The following TECTA variants were observed in gnomAD, a reference collection of about 807,000 sequenced individuals.
The protein encoded by TECTA is tectorin alpha, also known as alpha-tectorin.
In TECTA, 128 loss-of-function variants were observed where a neutral mutation model predicts 216.8. The ratio of observed to expected loss-of-function variants is 0.59; its 90% confidence interval spans 0.51 to 0.68. The LOEUF (loss-of-function observed/expected upper bound fraction) is 0.68, where lower values mean the gene tolerates loss of function less well. Ranked by LOEUF, TECTA falls within the 30% of genes least tolerant of loss-of-function variation. TECTA has a pLI of 0.00. For missense variants in TECTA, 2,551 were observed against 2,786.2 expected (o/e 0.92, Z 1.90); for synonymous variants, 1,089 against 1,117.1 (o/e 0.97, Z 0.50).
intron 11 of TECTA, among the ~76,000 whole-genome samples, chr11:121,141,707 T>A (rs1160120509): frequency 1.3e-5 from 2 of 152,166 alleles, no homozygotes; most frequent in Non-Finnish European, 2.9e-5. Context: ...TTATTGCCAG[T>A]CAGGTGGCCA....
chr11:121,190,644 G>C, intron 23 of TECTA, 62 bp from the exon 24 acceptor site: 2 of 1,269,014 alleles, frequency 1.6e-6, no homozygotes, highest in Non-Finnish European at 2.3e-6. Context: ...AAAGATGTCT[G>C]ATCCCTATCA....
At chr11:121,160,601 G>C (rs1452936794) in intron 15 of TECTA, among the ~76,000 whole-genome samples, 180 bp downstream of exon 15, 2 of 152,184 alleles carry the variant, frequency 1.3e-5, no homozygotes, top group Admixed American at 1.3e-4. Context: ...CAGTAATTTC[G>C]TGAACTGCAG....
At chr11:121,184,085 G>C (rs1947257833) in intron 20 of TECTA, among the ~76,000 whole-genome samples, 1 of 152,204 alleles carries the variant, frequency 6.6e-6, no homozygotes, top group African/African-American at 2.4e-5. Context: ...TACCATGCCA[G>C]CCAGCCTACA....
Position 121,118,425 on chromosome 11 carries a change from G to A in TECTA, c.910G>A (p.Val304Met), listed in dbSNP as rs759593632. The A allele has an allele frequency of 3.7e-6, 6 of 1,614,076 alleles. No individual in the cohort carries two copies. The highest frequency in any genetic ancestry group is 5.1e-6 in the Non-Finnish European group (6 of 1,180,056). ...GGAGGCTTCCTGTAGCCCCTACGAG[G>A]TGTGCGAACCCAAAGGCAAATTCTT... Reference protein sequence around the residue: ...CQEASCSPYEVCEPKGKFFYC... With the variant: ...CQEASCSPYEMCEPKGKFFYC... Residue 304 changes from valine (V) to methionine (M), a missense_variant, in exon 7 of 24, where the codon GTG becomes ATG. Physicochemically the swap from Val to Met is conservative, Grantham distance 21. Around this residue, in one of 3 missense-constraint regions of TECTA, gnomAD observed 2,375 missense variants for 2,563.9 expected, o/e 0.93. Coordinates refer to ENST00000392793, the MANE Select transcript of TECTA (RefSeq NM_005422.4).
intron 10 of TECTA, among the ~76,000 whole-genome samples, chr11:121,136,676 C>T (rs1341635374): frequency 1.3e-5 from 2 of 152,030 alleles, no homozygotes; most frequent in Non-Finnish European, 2.9e-5. Context: ...GCTCTGAAGA[C>T]ATGAAATAAC....
In TECTA at chr11:121,109,799, C is replaced by T. The variant is rs201325951; in HGVS notation, c.486+301C>T. 6.8e-5 allele frequency: 27 copies of T among 397,834 alleles called. No homozygotes were observed. The East Asian group carries it at 1.5e-3, about 23-fold the overall frequency. 24.6% of individuals were successfully genotyped at this position (397,834 alleles called of 1,614,324 possible). On this transcript the variant is annotated intron_variant, in intron 4 of 23. Transcript: ENST00000392793. Reference sequence around the variant, plus strand: ...GACATTGCTGTTTTGCAGGAGAGTGCTTGAGGCACTGAGACCCATTCCAGG... The same window carrying T: ...GACATTGCTGTTTTGCAGGAGAGTGTTTGAGGCACTGAGACCCATTCCAGG...
intron 13 of TECTA, 138 bp downstream of exon 13, chr11:121,153,218 G>A (rs1946910436): frequency 9.5e-7 from 1 of 1,047,402 alleles, no homozygotes; most frequent in South Asian, 1.4e-5. Flanking sequence ...ATGGGATGGG[G>A]GGTAGAGAGG....
intron 10 of TECTA, among the ~76,000 whole-genome samples, chr11:121,136,933 G>T (rs187897275): frequency 6.6e-6 from 1 of 152,210 alleles, no homozygotes; most frequent in Non-Finnish European, 1.5e-5. Flanking sequence ...CTGGCATGTC[G>T]CAGGTGCTCA....
At position 121,125,486 on chromosome 11, in the gene TECTA, A is replaced by T. The variant is rs764132674; in HGVS notation, c.1388A>T (p.Asn463Ile). The change falls in exon 8 of 24, where the codon AAC becomes ATC. Residue 463 changes from asparagine to isoleucine, a missense_variant. Asn to Ile is a moderately radical substitution (Grantham distance 149). This residue lies in a region of TECTA where 2,375 missense variants were observed against 2,563.9 expected (regional missense o/e 0.93). Transcript: ENST00000392793. The part of the protein sequence containing the change: ...YINSTCGLCG[N>I]YNKNPLDDFL... ...AACTCCACCTGTGGACTCTGTGGAA[A>T]CTATAATAAAAACCCACTGGATGAC... is the stretch of plus-strand genomic sequence containing the variant. The T allele has an allele frequency of 4.0e-5, 65 of 1,614,074 alleles. No individual in the cohort carries two copies. Among genetic ancestry groups the T allele is most frequent in the Non-Finnish European group, 5.4e-5 (64 of 1,180,052 alleles).
chr11:121,160,067 C>T (rs760144714), intron 14 of TECTA, 68 bp from the exon 15 acceptor site: 88 of 1,604,344 alleles, frequency 5.5e-5, no homozygotes, highest in Non-Finnish European at 7.4e-5. Flanking sequence ...TTTCCCTGGC[C>T]CTTTCCTGAA....
rs368980138 is a variant in TECTA at position 121,158,120 on chromosome 11, A to C, written c.4585A>C (p.Ile1529Leu). The C allele has an allele frequency of 6.2e-7, 1 of 1,614,206 alleles. No individual in the cohort carries two copies. Among genetic ancestry groups the C allele is most frequent in the Non-Finnish European group, 8.5e-7 (1 of 1,180,032 alleles). Residue 1529 changes from isoleucine to leucine, a missense_variant, in exon 14 of 24, where the codon ATC becomes CTC. This residue lies in a region of TECTA where 2,375 missense variants were observed against 2,563.9 expected (regional missense o/e 0.93). Coordinates refer to ENST00000392793, the MANE Select transcript of TECTA (RefSeq NM_005422.4). ...KLPDISFQLIINFDKWSAPNL... is the reference protein window; with the variant it reads ...KLPDISFQLILNFDKWSAPNL... ...GCCCGACATCTCCTTCCAGCTTATC[A>C]TCAACTTCGACAAGTGGTCGGCCCC...
chr11:121,124,722 T>C (rs1258658553), intron 7 of TECTA, among the ~76,000 whole-genome samples: 1 of 152,226 alleles, frequency 6.6e-6, no homozygotes, highest in Non-Finnish European at 1.5e-5. Context: ...AGGTGTTTAA[T>C]TGTGTTGTTG....
At chr11:121,164,435 G>A (rs1050699444) in intron 16 of TECTA, among the ~76,000 whole-genome samples, 2 of 152,136 alleles carry the variant, frequency 1.3e-5, no homozygotes, top group African/African-American at 4.8e-5. Context: ...TGTCTTGATA[G>A]GCAGAGCGAT....
At chr11:121,125,200 C>A in intron 7 of TECTA, 102 bp from the exon 8 acceptor site, 1 of 1,225,558 alleles carries the variant, frequency 8.2e-7, no homozygotes, top group Non-Finnish European at 1.2e-6. Context: ...TGGCCATTCT[C>A]TCTGGAGTGT....
intron 20 of TECTA, among the ~76,000 whole-genome samples, chr11:121,170,128 T>C (rs1314972392): frequency 6.6e-6 from 1 of 152,202 alleles, no homozygotes; most frequent in Non-Finnish European, 1.5e-5. Flanking sequence ...GCCTGGCTTA[T>C]TTCACTTAAC....
At chr11:121,138,170 G>A in intron 11 of TECTA, 148 bp downstream of exon 11, 18 of 1,191,590 alleles carry the variant, frequency 1.5e-5, no homozygotes, top group Non-Finnish European at 2.1e-5. Context: ...GAGATTTTCT[G>A]TCACTTCATC....
chr11:121,126,287 A>G (rs1278410353), intron 8 of TECTA, among the ~76,000 whole-genome samples: 3 of 152,156 alleles, frequency 2.0e-5, no homozygotes, highest in Admixed American at 6.5e-5. Context: ...ACCTGTAGCA[A>G]TTGTTCCTGG....
intron 21 of TECTA, among the ~76,000 whole-genome samples, chr11:121,188,324 C>T (rs543796509): frequency 1.3e-5 from 2 of 152,286 alleles, no homozygotes; most frequent in South Asian, 2.1e-4. Flanking sequence ...CACCTCTACC[C>T]ATGGATACCA....
chr11:121,158,757 G>A (rs1236113357), intron 14 of TECTA, among the ~76,000 whole-genome samples: 1 of 152,190 alleles, frequency 6.6e-6, no homozygotes, highest in Non-Finnish European at 1.5e-5. Context: ...ATGGGAGGCT[G>A]CTCTTGGTGG....
Sources: allele counts gnomAD v4.1 joint callset (sites outside exome capture counted in the v4.1 genomes callset), GRCh38; gene constraint gnomAD v4.1.1; regional missense constraint gnomAD v4.1.1; transcripts MANE v1.5; gene names NCBI Gene and HGNC (gene_info 2026-07-23, HGNC 2026-07-21).